Variants in PRH1 observed in about 807,000 individuals in gnomAD.
The protein encoded by PRH1 is salivary acidic proline-rich phosphoprotein 1/2.
PRH1 carries 7 observed loss-of-function variants against 7.9 expected under a neutral mutation model. That is an observed-to-expected ratio of 0.89 (90% CI 0.50 to 1.67). The LOEUF (loss-of-function observed/expected upper bound fraction) is 1.67, where lower values mean the gene tolerates loss of function less well. PRH1 is among the 40% of genes most tolerant of loss of function. The pLI, the probability that PRH1 is intolerant of heterozygous loss-of-function variation, is 0.00. For missense variants in PRH1, 109 were observed against 223.6 expected (o/e 0.49, Z 3.27); for synonymous variants, 45 against 80.8 (o/e 0.56, Z 2.38).
At chr12:11,008,215 C>G (rs1190758901) in intron 1 of PRH1, among the ~76,000 whole-genome samples, 1 of 152,046 alleles carries the variant, frequency 6.6e-6, no homozygotes, top group African/African-American at 2.4e-5. Flanking sequence ...CTTCAACTCT[C>G]TAGAGTTGTA....
rs912021465 is a variant in PRH1 at position 10,909,387 on chromosome 12, G to A, written c.-58-25112C>T. On this transcript the variant is annotated intron_variant, in intron 2 of 3. Transcript: ENST00000539853. ...TTCACATCCTTGAGTGTCCAGTGGA[G>A]TTCTTCTTCCTTCTCCTTTTTCTGC... The A allele has an allele frequency of 3.4e-6, 3 of 877,604 alleles. No individual in the cohort carries two copies. In the East Asian group the frequency reaches 7.8e-5, roughly 23 times the overall value. 54.4% of individuals were successfully genotyped at this position (877,604 alleles called of 1,614,324 possible).
At chr12:11,072,801 C>T (rs78399734) in intron 1 of PRH1, among the ~76,000 whole-genome samples, 32,210 of 88,028 alleles carry the variant, frequency 0.37, 4,015 homozygotes, top group Non-Finnish European at 0.46. Flanking sequence ...TTTTCACCCA[C>T]GGGTGGGTCG....
chr12:10,902,595 G>A (rs1466656832), intron 2 of PRH1, among the ~76,000 whole-genome samples: 1 of 151,876 alleles, frequency 6.6e-6, no homozygotes, highest in East Asian at 1.9e-4. Flanking sequence ...CTACACTAAA[G>A]AAAAAAATCT....
chr12:11,065,353 C>T (rs1287039188), intron 1 of PRH1, among the ~76,000 whole-genome samples: 1 of 151,936 alleles, frequency 6.6e-6, no homozygotes, highest in Non-Finnish European at 1.5e-5. Flanking sequence ...TGAACTGATA[C>T]ACTTTACCAC....
intron 2 of PRH1, among the ~76,000 whole-genome samples, chr12:10,897,457 A>T (rs550777241): frequency 6.6e-6 from 1 of 152,314 alleles, no homozygotes; most frequent in East Asian, 1.9e-4. Context: ...AAAAGAAGCC[A>T]TCCCTGCTAT....
In PRH1 at chr12:10,883,236, T is replaced by C. The variant is rs371743595; in HGVS notation, c.65-140A>G. The stretch of plus-strand genomic sequence containing the variant: ...CTCATCAGCCACTCTCTGATGCTAC[T>C]GGAAGTGGAAGAAGATGTAAGGGAA... On this transcript the variant is annotated intron_variant, in intron 1 of 3. Coordinates refer to ENST00000543626, the MANE Select transcript of PRH1 (RefSeq NM_001393989.1). The C allele has an allele frequency of 7.5e-5, 73 of 975,322 alleles. No individual in the cohort carries two copies. In the African/African-American group the frequency reaches 8.4e-4, roughly 11 times the overall value. The allele number at this position is 975,322 out of a possible 1,614,324, so 60.4% of individuals were successfully genotyped here. A position where few individuals can be genotyped will look rare whatever the true frequency, so the allele number is the denominator to read the frequency against.
intron 1 of PRH1, among the ~76,000 whole-genome samples, chr12:11,079,642 T>C (rs1357104779): frequency 1.7e-5 from 2 of 117,882 alleles, no homozygotes; most frequent in African/African-American, 2.8e-5. Flanking sequence ...TCCACCCTTG[T>C]TGTGTCAGGA....
chr12:10,930,189 T>A (rs527715962), intron 2 of PRH1: 1 of 1,498,756 alleles, frequency 6.7e-7, no homozygotes, highest in South Asian at 1.1e-5. Context: ...TGATCAGAGG[T>A]CCTTTATCCT....
At chr12:11,050,167 A>G (rs1455313380), upstream of PRH1, among the ~76,000 whole-genome samples, 1 of 152,064 alleles carries the variant, frequency 6.6e-6, no homozygotes, top group Non-Finnish European at 1.5e-5. Flanking sequence ...TGGAGTGGGA[A>G]ATCAGGGGTC....
In PRH1 at chr12:11,080,790, T is replaced by C. The variant is rs117387132; in HGVS notation, n.124-33602A>G. Among the ~76,000 whole-genome samples, 19 of 66,746 alleles carry C rather than the reference T, an allele frequency of 2.8e-4. 5 individuals carry two copies. The highest frequency in any genetic ancestry group is 8.0e-4 in the African/African-American group (19 of 23,854). The allele number at this position is 66,746 out of a possible 152,430, so 43.8% of individuals were successfully genotyped here. On this transcript the variant is annotated intron_variant and non_coding_transcript_variant, in intron 1 of 4. Transcript: ENST00000541977. ...AAAATATCATTTTCAATTTCTGTTT[T>C]TGAAGGTCTACTACTCTTTGGAAAC...
intron 1 of PRH1, among the ~76,000 whole-genome samples, chr12:11,073,987 T>C (rs1944193228): frequency 6.7e-6 from 1 of 148,536 alleles, no homozygotes; most frequent in African/African-American, 2.5e-5. Flanking sequence ...GGCATCTGCT[T>C]ATAAAACCAG....
chr12:11,111,576 C>T (rs1329212974), intron 1 of PRH1, among the ~76,000 whole-genome samples: 5 of 152,130 alleles, frequency 3.3e-5, no homozygotes, highest in Non-Finnish European at 5.9e-5. Flanking sequence ...GATATTAAGA[C>T]AGAAATAAAT....
chr12:11,168,800 G>T (rs34531956), intron 1 of PRH1, among the ~76,000 whole-genome samples: 69,227 of 151,976 alleles, frequency 0.46, 16,559 homozygotes, highest in Non-Finnish European at 0.53. Context: ...ATTTCCCAAT[G>T]GAATGTTAAT....
intron 1 of PRH1, among the ~76,000 whole-genome samples, chr12:11,065,524 T>C (rs1169296235): frequency 2.0e-5 from 3 of 152,168 alleles, no homozygotes; most frequent in Non-Finnish European, 4.4e-5. Context: ...TTCTGGGCAG[T>C]TATCTTCCAA....
At chr12:10,977,808 T>C (rs1035058645) in intron 1 of PRH1, among the ~76,000 whole-genome samples, 4 of 151,996 alleles carry the variant, frequency 2.6e-5, no homozygotes, top group African/African-American at 7.2e-5. Flanking sequence ...CCTTTCACAA[T>C]AGCAGCAAAG....
chr12:10,890,121 C>T (rs919956802), intron 2 of PRH1, among the ~76,000 whole-genome samples: 1 of 151,872 alleles, frequency 6.6e-6, no homozygotes, highest in African/African-American at 2.4e-5. Flanking sequence ...TTTTGCAATA[C>T]ACAAAAAGCC....
chr12:10,884,503 G>A (rs1321974265), upstream of PRH1, among the ~76,000 whole-genome samples: 2 of 152,176 alleles, frequency 1.3e-5, no homozygotes, highest in East Asian at 3.9e-4. Flanking sequence ...TGTCCAAGCA[G>A]TCGGCACAGT....
chr12:10,917,658 A>C (rs1949991519), intron 2 of PRH1, among the ~76,000 whole-genome samples: 1 of 152,210 alleles, frequency 6.6e-6, no homozygotes, highest in Non-Finnish European at 1.5e-5. Context: ...GCTTCACCCT[A>C]AACTTCAATT....
chr12:11,062,208 C>G, intron 1 of PRH1: 2 of 1,613,302 alleles, frequency 1.2e-6, no homozygotes. Flanking sequence ...TGGAATTTAC[C>G]AATGCTATGA....
Sources: allele counts gnomAD v4.1 joint callset (sites outside exome capture counted in the v4.1 genomes callset), GRCh38; gene constraint gnomAD v4.1.1; transcripts MANE v1.5; gene names NCBI Gene and HGNC (gene_info 2026-07-23, HGNC 2026-07-21).